Variants in RPS6KC1 observed in about 807,000 individuals in gnomAD.
RPS6KC1 encodes ribosomal protein S6 kinase C1, also known as inactive ribosomal protein S6 kinase delta-1.
In RPS6KC1, 54 loss-of-function variants were observed where a neutral mutation model predicts 103.8. The ratio of observed to expected loss-of-function variants is 0.52; its 90% confidence interval spans 0.42 to 0.65. RPS6KC1 has a LOEUF of 0.65. Ranked by LOEUF, RPS6KC1 falls within the 30% of genes least tolerant of loss-of-function variation. The pLI is 0.00. For synonymous variants in RPS6KC1, 439 were observed against 438.7 expected, an observed-to-expected ratio of 1.00 and a Z score of -0.01; for missense variants, 1,151 against 1,253.8, an observed-to-expected ratio of 0.92 and a Z score of 1.24.
chr1:213,589,944 T>G, the RPS6KC1 span, among the ~76,000 whole-genome samples: 99 of 130,180 alleles, frequency 7.6e-4, no homozygotes, highest in South Asian at 8.3e-3. Context: ...TAGTGGTGTG[T>G]GTGTGTGTGT....
At chr1:213,183,857 C>T (rs1273304106) in intron 8 of RPS6KC1, among the ~76,000 whole-genome samples, 1 of 151,932 alleles carries the variant, frequency 6.6e-6, no homozygotes, top group Non-Finnish European at 1.5e-5. Flanking sequence ...TTTCAAAGAT[C>T]AATAAAATTG....
At chr1:213,466,379 G>A in the RPS6KC1 span, among the ~76,000 whole-genome samples, 1 of 152,126 alleles carries the variant, frequency 6.6e-6, no homozygotes, top group Non-Finnish European at 1.5e-5. Context: ...TGGCAAGATT[G>A]GGCAAACATG....
the RPS6KC1 span, among the ~76,000 whole-genome samples, chr1:213,320,420 A>C: frequency 6.6e-6 from 1 of 152,230 alleles, no homozygotes; most frequent in East Asian, 1.9e-4. Flanking sequence ...CTGGGTAATT[A>C]ATTTCTGTGA....
the RPS6KC1 span, among the ~76,000 whole-genome samples, chr1:213,740,078 C>T: frequency 1.3e-5 from 2 of 152,014 alleles, no homozygotes; most frequent in African/African-American, 4.8e-5. Context: ...GCTGAAAAAA[C>T]TTATGGACAT....
At chr1:213,150,703 A>G (rs1012178323) in intron 6 of RPS6KC1, among the ~76,000 whole-genome samples, 2 of 152,078 alleles carry the variant, frequency 1.3e-5, no homozygotes, top group African/African-American at 4.8e-5. Context: ...AAAGTCTCCC[A>G]TGTCTACTTC....
chr1:213,703,197 CAAAT>C, the RPS6KC1 span, among the ~76,000 whole-genome samples: 19 of 152,170 alleles, frequency 1.2e-4, no homozygotes, highest in Non-Finnish European at 2.5e-4. Context: ...TTTGCATAAA[CAAAT>C]AAACAAGCAA....
At chr1:213,689,649 G>A in the RPS6KC1 span, among the ~76,000 whole-genome samples, 1 of 152,150 alleles carries the variant, frequency 6.6e-6, no homozygotes, top group Non-Finnish European at 1.5e-5. Flanking sequence ...CAGAGCTTTG[G>A]TTTCCTCACT....
the RPS6KC1 span, among the ~76,000 whole-genome samples, chr1:213,384,397 C>T: frequency 6.6e-6 from 1 of 151,738 alleles, no homozygotes; most frequent in African/African-American, 2.4e-5. Context: ...GGGATGTGGC[C>T]AGGAGGAAGA....
At chr1:213,653,031 G>A in the RPS6KC1 span, among the ~76,000 whole-genome samples, 17,463 of 152,222 alleles carry the variant, frequency 0.11, 1,047 homozygotes, top group Middle Eastern at 0.23. Context: ...AAATGTATTG[G>A]CTGAATGAAT....
At chr1:213,398,196 C>CTTTTTTT in the RPS6KC1 span, among the ~76,000 whole-genome samples, 4 of 109,480 alleles carry the variant, frequency 3.7e-5, no homozygotes, top group African/African-American at 9.1e-5. Flanking sequence ...CACACCTGGC[C>CTTTTTTT]TTTTTTTTTT....
At position 213,057,752 on chromosome 1, in the gene RPS6KC1, CTTTTTTTTT is replaced by C. The variant is rs869259657; in HGVS notation, c.105+6259_105+6267del. 7.5e-4 allele frequency among the ~76,000 whole-genome samples: 55 copies of C among 73,700 alleles called. No homozygotes were observed. In the East Asian group the frequency reaches 0.016, roughly 21 times the overall value. The allele number at this position is 73,700 out of a possible 152,430, so 48.4% of individuals were successfully genotyped here. A position where few individuals can be genotyped will look rare whatever the true frequency, so the allele number is the denominator to read the frequency against. ...CATATCTTTTAATTCTCTGAAGTAT[CTTTTTTTTT>C]TTTTTTTTTTTTTTTCCTTTGAGAC... On this transcript the variant is annotated intron_variant, in intron 1 of 14. Coordinates refer to ENST00000366960, the MANE Select transcript of RPS6KC1 (RefSeq NM_012424.6).
chr1:213,320,916 C>T, the RPS6KC1 span, among the ~76,000 whole-genome samples: 2 of 152,200 alleles, frequency 1.3e-5, no homozygotes, highest in Admixed American at 1.3e-4. Context: ...TTCCCCTGCT[C>T]TGTTTCTCAT....
At chr1:213,641,697 G>T in the RPS6KC1 span, among the ~76,000 whole-genome samples, 1 of 151,454 alleles carries the variant, frequency 6.6e-6, no homozygotes, top group Admixed American at 6.6e-5. Context: ...GATCTACTCA[G>T]TACAACCCAG....
the RPS6KC1 span, among the ~76,000 whole-genome samples, chr1:213,794,119 G>T: frequency 6.6e-6 from 1 of 152,220 alleles, no homozygotes; most frequent in Admixed American, 6.5e-5. Context: ...GTTTGGAAAT[G>T]GATAAATGCA....
the RPS6KC1 span, among the ~76,000 whole-genome samples, chr1:213,654,621 T>C: frequency 1.3e-5 from 2 of 152,208 alleles, no homozygotes; most frequent in Non-Finnish European, 2.9e-5. Context: ...TATCCAGATG[T>C]TTGTAAAAAT....
the RPS6KC1 span, among the ~76,000 whole-genome samples, chr1:213,432,310 A>C: frequency 2.0e-5 from 3 of 152,192 alleles, no homozygotes; most frequent in African/African-American, 7.2e-5. Flanking sequence ...TACAATTTAT[A>C]GTCATTTCCT....
At chr1:213,637,301 A>T in the RPS6KC1 span, among the ~76,000 whole-genome samples, 2 of 145,762 alleles carry the variant, frequency 1.4e-5, no homozygotes, top group African/African-American at 5.5e-5. Flanking sequence ...TACTATAAAG[A>T]CAATGCACAC....
intron 1 of RPS6KC1, among the ~76,000 whole-genome samples, chr1:213,067,219 CTG>C (rs1558249923): frequency 6.6e-6 from 1 of 152,204 alleles, no homozygotes. Context: ...TCTCCTGAGG[CTG>C]TGTTACCGGT....
chr1:213,431,990 G>A, the RPS6KC1 span, among the ~76,000 whole-genome samples: 1 of 152,098 alleles, frequency 6.6e-6, no homozygotes, highest in Non-Finnish European at 1.5e-5. Flanking sequence ...TATTTAAAAT[G>A]GCAGGGGCAT....
Sources: allele counts gnomAD v4.1 joint callset (sites outside exome capture counted in the v4.1 genomes callset), GRCh38; gene constraint gnomAD v4.1.1; transcripts MANE v1.5; gene names NCBI Gene and HGNC (gene_info 2026-07-23, HGNC 2026-07-21).